Variants in PYGO1 observed in about 807,000 individuals in gnomAD.
PYGO1 encodes the protein pygopus family PHD finger 1, also known as pygopus homolog 1.
In PYGO1, 6 loss-of-function variants were observed where a neutral mutation model predicts 29.5. The ratio of observed to expected loss-of-function variants is 0.20; its 90% confidence interval spans 0.11 to 0.40. PYGO1 has a LOEUF of 0.40. Ranked by LOEUF, PYGO1 falls within the 10% of genes least tolerant of loss-of-function variation. The pLI, the probability that PYGO1 is intolerant of heterozygous loss-of-function variation, is 1.00. For synonymous variants in PYGO1, 186 were observed against 180.5 expected (o/e 1.03, Z -0.24); for missense variants, 515 against 514.9 (o/e 1.00, Z 0.00).
intron 1 of PYGO1, among the ~76,000 whole-genome samples, chr15:55,561,654 G>C (rs541851517): frequency 3.3e-5 from 5 of 152,166 alleles, no homozygotes; most frequent in African/African-American, 1.2e-4. Context: ...GATTTGCACA[G>C]GGACACAAAG....
intron 1 of PYGO1, among the ~76,000 whole-genome samples, chr15:55,582,501 T>C (rs996333672): frequency 3.3e-5 from 5 of 152,122 alleles, no homozygotes; most frequent in African/African-American, 4.8e-5. Context: ...AGCGTCTTTT[T>C]CCCCCCTTGT....
chr15:55,575,874 C>G (rs2058999445), intron 1 of PYGO1, among the ~76,000 whole-genome samples: 1 of 152,124 alleles, frequency 6.6e-6, no homozygotes, highest in Non-Finnish European at 1.5e-5. Context: ...GTTTATACTC[C>G]ACAGGGCCCC....
intron 1 of PYGO1, among the ~76,000 whole-genome samples, chr15:55,571,191 T>C (rs903050890): frequency 6.6e-6 from 1 of 152,224 alleles, no homozygotes; most frequent in Non-Finnish European, 1.5e-5. Flanking sequence ...CAGAATTTCC[T>C]TCCTTTTTGT....
rs778304589 is a variant in PYGO1, at chr15:55,543,901, G to C, written c.*2122C>G. On this transcript the variant is annotated 3_prime_UTR_variant, in exon 3 of 3. Transcript: ENST00000563719. ...ACATAACTAGGTCCTTAAACATTTA[G>C]AGAAATATGTATAATAAAAAATCCA... 1 of 152,086 alleles carries C rather than the reference G, an allele frequency of 6.6e-6. No individual in the cohort carries two copies. The highest frequency in any genetic ancestry group is 1.5e-5 in the Non-Finnish European group (1 of 67,994). 9.4% of individuals were successfully genotyped at this position (152,086 alleles called of 1,614,324 possible).
chr15:55,555,281 A>G (rs1278447167), intron 1 of PYGO1, among the ~76,000 whole-genome samples: 1 of 152,022 alleles, frequency 6.6e-6, no homozygotes, highest in Non-Finnish European at 1.5e-5. Flanking sequence ...CAAAGGAGGA[A>G]TAAGATCGTT....
At chr15:55,574,767 T>C (rs1429882486) in intron 1 of PYGO1, among the ~76,000 whole-genome samples, 2 of 151,564 alleles carry the variant, frequency 1.3e-5, no homozygotes, top group Admixed American at 1.3e-4. Context: ...ACCTACAATA[T>C]ATGGCCTTAT....
intron 1 of PYGO1, among the ~76,000 whole-genome samples, chr15:55,586,595 T>C (rs1249659375): frequency 4.6e-5 from 7 of 152,222 alleles, no homozygotes; most frequent in Admixed American, 4.6e-4. Flanking sequence ...ACAGGACTCT[T>C]TCCTTGCTCA....
intron 1 of PYGO1, 129 bp downstream of exon 1, chr15:55,587,706 G>A (rs1332786649): frequency 5.6e-5 from 67 of 1,190,174 alleles, no homozygotes; most frequent in Middle Eastern, 5.7e-4. Context: ...CGGCCCCGGG[G>A]TGCCGGCGGG....
intron 1 of PYGO1, among the ~76,000 whole-genome samples, chr15:55,553,140 C>G (rs2058887386): frequency 6.6e-6 from 1 of 152,224 alleles, no homozygotes; most frequent in Admixed American, 6.5e-5. Flanking sequence ...GGCCAGACTA[C>G]TTCCTTAAGT....
intron 1 of PYGO1, among the ~76,000 whole-genome samples, chr15:55,583,317 CT>C (rs2059032976): frequency 6.6e-6 from 1 of 151,550 alleles, no homozygotes; most frequent in Non-Finnish European, 1.5e-5. Context: ...AGTTTTTCCC[CT>C]GTCCTTCTAC....
chr15:55,588,236 G>A lies in PYGO1; in HGVS notation c.-353C>T, dbSNP rs941669060. Among the ~76,000 whole-genome samples, 3 of 149,224 alleles carry A rather than the reference G, an allele frequency of 2.0e-5. No homozygotes were observed. The highest frequency in any genetic ancestry group is 7.3e-5 in the African/African-American group (3 of 41,102). On this transcript the variant is annotated 5_prime_UTR_variant, in exon 1 of 3. Coordinates refer to ENST00000563719, the MANE Select transcript of PYGO1 (RefSeq NM_001367806.1). Reference sequence around the variant, plus strand: ...CTCCTTCTTCTTCGCCGCCGCCTCAGGAGCCGCTGACAGGGGAAGCAGGAG... The same window carrying A: ...CTCCTTCTTCTTCGCCGCCGCCTCAAGAGCCGCTGACAGGGGAAGCAGGAG...
At chr15:55,574,254 G>A (rs1238761375) in intron 1 of PYGO1, among the ~76,000 whole-genome samples, 1 of 152,204 alleles carries the variant, frequency 6.6e-6, no homozygotes, top group Non-Finnish European at 1.5e-5. Flanking sequence ...GCAGATACTT[G>A]CAACATTTGA....
chr15:55,573,180 C>T (rs1250131034), intron 1 of PYGO1, among the ~76,000 whole-genome samples: 5 of 152,088 alleles, frequency 3.3e-5, no homozygotes, highest in Admixed American at 3.3e-4. Flanking sequence ...GTAGCAGGCA[C>T]CTGCAATCCC....
At chr15:55,560,293 G>A (rs762294919) in intron 1 of PYGO1, among the ~76,000 whole-genome samples, 5 of 152,126 alleles carry the variant, frequency 3.3e-5, no homozygotes, top group Non-Finnish European at 7.4e-5. Flanking sequence ...CATCGTCTCA[G>A]CTCAAAAGCT....
At chr15:55,547,277 T>C (rs2058856827) in intron 2 of PYGO1, 130 bp from the exon 3 acceptor site, 1 of 688,796 alleles carries the variant, frequency 1.5e-6, no homozygotes, top group African/African-American at 1.8e-5. Flanking sequence ...ACATTTATTA[T>C]CTTCACTTGA....
intron 1 of PYGO1, among the ~76,000 whole-genome samples, chr15:55,571,017 C>T (rs944009197): frequency 2.0e-5 from 3 of 150,914 alleles, no homozygotes; most frequent in Non-Finnish European, 2.9e-5. Context: ...AGCAACAACT[C>T]CCCATTTTCC....
chr15:55,569,335 G>A (rs933920074), intron 1 of PYGO1, among the ~76,000 whole-genome samples: 9 of 151,262 alleles, frequency 5.9e-5, no homozygotes, highest in Admixed American at 4.6e-4. Flanking sequence ...CTTGAGATTA[G>A]TTTGTTCTTG....
intron 1 of PYGO1, among the ~76,000 whole-genome samples, chr15:55,559,297 T>C (rs558886998): frequency 2.6e-5 from 4 of 152,118 alleles, no homozygotes; most frequent in South Asian, 2.1e-4. Context: ...CTCACACCAG[T>C]TAGAATGGCG....
chr15:55,581,127 G>C (rs1463221157), intron 1 of PYGO1, among the ~76,000 whole-genome samples: 1 of 152,170 alleles, frequency 6.6e-6, no homozygotes, highest in African/African-American at 2.4e-5. Context: ...GATACTGAGA[G>C]AACATAAGGA....
Sources: allele counts gnomAD v4.1 joint callset (sites outside exome capture counted in the v4.1 genomes callset), GRCh38; gene constraint gnomAD v4.1.1; transcripts MANE v1.5; gene names NCBI Gene and HGNC (gene_info 2026-07-23, HGNC 2026-07-21).